XXYLT1: variants seen among roughly 807,000 people sequenced by gnomAD.
XXYLT1 encodes the protein xyloside xylosyltransferase 1, also known as UDP-xylose:alpha-xyloside alpha-1,3-xylosyltransferase.
XXYLT1 carries 20 observed loss-of-function variants against 28.9 expected under a neutral mutation model. The observed-to-expected ratio is 0.69, with a 90% confidence interval of 0.49 to 1.00. The LOEUF is 1.00. Ranked by LOEUF, XXYLT1 falls within the 50% of genes least tolerant of loss-of-function variation. The probability of loss-of-function intolerance (pLI) is 0.00; values close to 1 mark genes in which losing one functional copy is unlikely to be tolerated. For missense variants in XXYLT1, 542 were observed against 560.1 expected, an observed-to-expected ratio of 0.97 and a Z score of 0.33; for synonymous variants, 257 against 253.8, an observed-to-expected ratio of 1.01 and a Z score of -0.12.
At chr3:195,073,224 G>A (rs1315031886) in intron 3 of XXYLT1, among the ~76,000 whole-genome samples, 1 of 152,214 alleles carries the variant, frequency 6.6e-6, no homozygotes, top group African/African-American at 2.4e-5. Context: ...AATTTGGGTG[G>A]CACCGGCCGA....
chr3:195,135,104 A>AATC, intron 3 of XXYLT1, among the ~76,000 whole-genome samples: 1 of 152,290 alleles, frequency 6.6e-6, no homozygotes, highest in Non-Finnish European at 1.5e-5. Context: ...AAACTCATCC[A>AATC]ATCATCAAAT....
intron 1 of XXYLT1, among the ~76,000 whole-genome samples, chr3:195,230,001 A>T (rs991585593): frequency 2.6e-5 from 4 of 152,294 alleles, no homozygotes; most frequent in African/African-American, 9.6e-5. Flanking sequence ...TCACACCAAC[A>T]GTATATGAAG....
intron 1 of XXYLT1, among the ~76,000 whole-genome samples, chr3:195,241,499 T>C (rs182841765): frequency 1.3e-5 from 2 of 152,034 alleles, no homozygotes; most frequent in Admixed American, 6.5e-5. Context: ...GGAGGAAAAA[T>C]GACTTTCTGG....
chr3:195,083,666 T>C (rs537431787), intron 3 of XXYLT1, among the ~76,000 whole-genome samples: 1 of 152,316 alleles, frequency 6.6e-6, no homozygotes, highest in South Asian at 2.1e-4. Flanking sequence ...ATTATCTCAA[T>C]TCCTCACAAC....
At position 195,240,782 on chromosome 3, in the gene XXYLT1, C is replaced by T. The variant is rs574174985; in HGVS notation, c.505-13926G>A. Among the ~76,000 whole-genome samples, 46 of 152,336 alleles carry T rather than the reference C, an allele frequency of 3.0e-4. No homozygotes were observed. The highest frequency in any genetic ancestry group is 3.9e-4 in the East Asian group (2 of 5,178). ...AAGTCCAGCAATCCTGGTGCCCCTG[C>T]CAATGCTGAATCCACCTCCTGAAGG... is the stretch of plus-strand genomic sequence containing the variant. On this transcript the variant is annotated intron_variant, in intron 1 of 3. Coordinates refer to ENST00000310380, the MANE Select transcript of XXYLT1 (RefSeq NM_152531.5). The surrounding 1 kb of genome is among the most constrained non-coding windows in gnomAD (Gnocchi z 4.7).
rs1317712190 is a variant in XXYLT1 at position 195,143,809 on chromosome 3, T to TATATAG, written c.785+12634_785+12639dup. The stretch of plus-strand genomic sequence containing the variant: ...TTATATATATATATATAGATAGATA[T>TATATAG]ATATAGATATAGATATATATAGATA... On this transcript the variant is annotated intron_variant, in intron 3 of 3. Transcript: ENST00000310380. 3.0e-5 allele frequency among the ~76,000 whole-genome samples: 3 copies of TATATAG among 101,118 alleles called. 1 individual carries two copies. The South Asian group carries it at 1.3e-3, about 43-fold the overall frequency. The allele number at this position is 101,118 out of a possible 152,430, so 66.3% of individuals were successfully genotyped here.
intron 3 of XXYLT1, among the ~76,000 whole-genome samples, chr3:195,080,361 G>C (rs1359345578): frequency 1.3e-5 from 2 of 152,186 alleles, no homozygotes; most frequent in Non-Finnish European, 2.9e-5. Context: ...GGGAGCAGCT[G>C]TTCAAGCCCC....
intron 2 of XXYLT1, among the ~76,000 whole-genome samples, chr3:195,191,800 C>T (rs906816201): frequency 2.6e-5 from 4 of 152,194 alleles, no homozygotes; most frequent in African/African-American, 7.2e-5. Context: ...AGGGCCAATA[C>T]ATCAAGAAGA....
At chr3:195,127,987 G>A (rs1009073750) in intron 3 of XXYLT1, among the ~76,000 whole-genome samples, 11 of 152,200 alleles carry the variant, frequency 7.2e-5, no homozygotes, top group Middle Eastern at 3.4e-3. Context: ...CCAAACATCC[G>A]TCTCCTCATA....
chr3:195,143,869 TAG>T (rs201719218), intron 3 of XXYLT1, among the ~76,000 whole-genome samples: 1,186 of 89,840 alleles, frequency 0.013, 102 homozygotes, highest in East Asian at 0.066. Context: ...TATATAGATA[TAG>T]ATATATATAT....
chr3:195,096,457 T>C (rs1716451027), intron 3 of XXYLT1, among the ~76,000 whole-genome samples: 1 of 152,182 alleles, frequency 6.6e-6, no homozygotes, highest in African/African-American at 2.4e-5. Flanking sequence ...ATAATACACA[T>C]GCACATACGC....
chr3:195,150,466 C>T lies in XXYLT1; in HGVS notation c.785+5983G>A, dbSNP rs549280101. On this transcript the variant is annotated intron_variant, in intron 3 of 3. Coordinates refer to ENST00000310380, the MANE Select transcript of XXYLT1 (RefSeq NM_152531.5). This position sits in a 1 kb window ranked among gnomAD's most constrained non-coding sequence, Gnocchi z 4.7. Reference sequence around the variant, plus strand: ...TTCCTTCCGAGCGTCTGGAAGAACCCGAGGCTGGCACAGCACCATCAGCAA... The same window carrying T: ...TTCCTTCCGAGCGTCTGGAAGAACCTGAGGCTGGCACAGCACCATCAGCAA... Among the ~76,000 whole-genome samples the T allele has an allele frequency of 2.9e-4, 44 of 152,304 alleles. No homozygotes were observed. The highest frequency in any genetic ancestry group is 1.1e-3 in the African/African-American group (44 of 41,564).
In XXYLT1 at chr3:195,110,253, AAGTGTGTGTG is replaced by A. The variant is rs1577038668; in HGVS notation, c.786-40152_786-40143del. Among the ~76,000 whole-genome samples, 5 of 1,638 alleles carry A rather than the reference AAGTGTGTGTG, an allele frequency of 3.1e-3. 1 individual carries two copies. The highest frequency in any genetic ancestry group is 0.011 in the East Asian group (1 of 88). 1.1% of individuals were successfully genotyped at this position (1,638 alleles called of 152,430 possible). ...AGTGTGTGGTGTGCGTGTGTGGGTG[AAGTGTGTGTG>A]GGTGTGTGGTGTGTGTGGGGTGTAT... On this transcript the variant is annotated intron_variant, in intron 3 of 3. Coordinates refer to ENST00000310380, the MANE Select transcript of XXYLT1 (RefSeq NM_152531.5).
At chr3:195,110,963 A>G (rs1216029438) in intron 3 of XXYLT1, among the ~76,000 whole-genome samples, 1 of 143,278 alleles carries the variant, frequency 7.0e-6, no homozygotes, top group Non-Finnish European at 1.5e-5. Context: ...GGGCAGGGTG[A>G]TATTTATTTT....
chr3:195,187,169 C>T (rs1400555095), intron 2 of XXYLT1, among the ~76,000 whole-genome samples: 1 of 150,236 alleles, frequency 6.7e-6, no homozygotes, highest in Non-Finnish European at 1.5e-5. Context: ...ACCCGGGAGA[C>T]GGAGCTTGCA....
chr3:195,083,206 G>C (rs112477475), intron 3 of XXYLT1, among the ~76,000 whole-genome samples: 17 of 152,258 alleles, frequency 1.1e-4, no homozygotes, highest in African/African-American at 3.6e-4. Context: ...GGTCAGTGAT[G>C]TCGCTTCTGG....
At chr3:195,266,744 C>G (rs1725861979) in intron 1 of XXYLT1, among the ~76,000 whole-genome samples, 1 of 152,182 alleles carries the variant, frequency 6.6e-6, no homozygotes, top group South Asian at 2.1e-4. Flanking sequence ...GACGCCCAAG[C>G]CTGCCTCTGT....
chr3:195,094,795 G>C (rs998365215), intron 3 of XXYLT1: 1 of 153,694 alleles, frequency 6.5e-6, no homozygotes, highest in Non-Finnish European at 1.5e-5. Flanking sequence ...GCCTGCGAAG[G>C]CATCGCAGAT....
chr3:195,199,955 C>A (rs1178645684), intron 2 of XXYLT1, among the ~76,000 whole-genome samples: 3 of 152,224 alleles, frequency 2.0e-5, no homozygotes, highest in Non-Finnish European at 4.4e-5. Context: ...AAGTTGGGAC[C>A]TGCTGGTTAG....
Sources: allele counts gnomAD v4.1 joint callset (sites outside exome capture counted in the v4.1 genomes callset), GRCh38; gene constraint gnomAD v4.1.1; non-coding constraint Gnocchi (gnomAD v3.1); transcripts MANE v1.5; gene names NCBI Gene and HGNC (gene_info 2026-07-23, HGNC 2026-07-21).